Variants in PAN3 observed in about 807,000 individuals in gnomAD.
PAN3 encodes the protein PAN2-PAN3 deadenylation complex subunit PAN3.
In PAN3, 19 loss-of-function variants were observed where a neutral mutation model predicts 96.2. That is an observed-to-expected ratio of 0.20 (90% CI 0.14 to 0.29). The LOEUF (loss-of-function observed/expected upper bound fraction) is 0.29, where lower values mean the gene tolerates loss of function less well. Ranked by LOEUF, PAN3 falls within the 10% of genes least tolerant of loss-of-function variation. The pLI, the probability that PAN3 is intolerant of heterozygous loss-of-function variation, is 1.00. For missense variants in PAN3, 882 were observed against 1,108.1 expected (o/e 0.80, Z 2.90); for synonymous variants, 433 against 406.6 (o/e 1.06, Z -0.78).
intron 1 of PAN3, among the ~76,000 whole-genome samples, chr13:28,163,479 A>T (rs1304023152): frequency 1.3e-5 from 2 of 152,204 alleles, no homozygotes; most frequent in Non-Finnish European, 2.9e-5. Context: ...AGATTATTTC[A>T]TTTGATTCCA....
At chr13:28,257,432 CAG>C (rs1428629532) in intron 7 of PAN3, among the ~76,000 whole-genome samples, 8 of 151,512 alleles carry the variant, frequency 5.3e-5, no homozygotes, top group Non-Finnish European at 2.9e-5. Context: ...TCCACTAAAA[CAG>C]GGGTCCTCAA....
At chr13:28,144,006 A>G (rs1272480297) in intron 1 of PAN3, among the ~76,000 whole-genome samples, 3 of 151,952 alleles carry the variant, frequency 2.0e-5, no homozygotes, top group Admixed American at 1.3e-4. Context: ...TTTTTATTGG[A>G]ATAATATACT....
At chr13:28,245,288 A>C (rs1884068789) in intron 6 of PAN3, among the ~76,000 whole-genome samples, 1 of 152,022 alleles carries the variant, frequency 6.6e-6, no homozygotes, top group South Asian at 2.1e-4. Context: ...TATTTCTGTC[A>C]GTAGGTTTTT....
intron 1 of PAN3, among the ~76,000 whole-genome samples, chr13:28,142,763 T>C (rs921038492): frequency 2.6e-5 from 4 of 152,176 alleles, no homozygotes. Context: ...AATATAGAAG[T>C]ACAAATTTCT....
rs184111110 is a variant in PAN3, at chr13:28,234,459, G to A, written c.1000+14081G>A. Among the ~76,000 whole-genome samples the A allele has an allele frequency of 3.2e-3, 489 of 152,270 alleles. 3 individuals carry two copies. Among genetic ancestry groups the A allele is most frequent in the African/African-American group, 0.011 (461 of 41,560 alleles). Reference sequence around the variant, plus strand: ...AGATACTATTGGTGTGCATGTGAATGTATAATTTCTATATGCTGTAAAAAT... The same window carrying A: ...AGATACTATTGGTGTGCATGTGAATATATAATTTCTATATGCTGTAAAAAT... On this transcript the variant is annotated intron_variant, in intron 6 of 18. Transcript: ENST00000380958.
intron 6 of PAN3, among the ~76,000 whole-genome samples, chr13:28,225,713 A>G (rs1881925708): frequency 6.6e-6 from 1 of 152,192 alleles, no homozygotes; most frequent in Non-Finnish European, 1.5e-5. Context: ...TCTCTCTTCC[A>G]TCCACTTGTC....
chr13:28,151,256 C>G (rs1182242832), intron 1 of PAN3, among the ~76,000 whole-genome samples: 23 of 152,116 alleles, frequency 1.5e-4, no homozygotes, highest in Admixed American at 1.5e-3. Context: ...TGGCTCATGC[C>G]TGTAATCCCA....
rs1324551929 is a variant in PAN3 at position 28,266,859 on chromosome 13, G to T, written c.1556G>T (p.Cys519Phe). 2 of 1,601,060 alleles carry T rather than the reference G, an allele frequency of 1.2e-6. No individual in the cohort carries two copies. The highest frequency in any genetic ancestry group is 2.3e-5 in the South Asian group (2 of 88,354). ...AVNSKDDLPYCLRRIHGFRLV... is the reference protein window; with the variant it reads ...AVNSKDDLPYFLRRIHGFRLV... ...AACAGCAAAGATGATCTGCCATATT[G>T]CCTTCGGAGGATACATGGTAAGGAA... is the stretch of plus-strand genomic sequence containing the variant. Residue 519 changes from cysteine to phenylalanine, a missense_variant, in exon 10 of 19, where the codon TGC becomes TTC. Coordinates refer to ENST00000380958, the MANE Select transcript of PAN3 (RefSeq NM_175854.8).
At chr13:28,248,219 G>A (rs559260432) in intron 6 of PAN3, among the ~76,000 whole-genome samples, 32 of 152,118 alleles carry the variant, frequency 2.1e-4, no homozygotes, top group African/African-American at 7.2e-4. Context: ...TCTTCAGGTT[G>A]TTCACTGTTG....
intron 6 of PAN3, among the ~76,000 whole-genome samples, chr13:28,239,009 A>G (rs1459660762): frequency 6.6e-6 from 1 of 152,108 alleles, no homozygotes; most frequent in African/African-American, 2.4e-5. Flanking sequence ...AGAATATTTT[A>G]TTTAACAAGT....
rs113372117 is a variant in PAN3, at chr13:28,292,554, A to AT, written c.*32_*33insT. The AT allele has an allele frequency of 4.8e-4, 755 of 1,584,168 alleles. 8 individuals are homozygous for AT. In the South Asian group the frequency reaches 6.7e-3, roughly 14 times the overall value. On this transcript the variant is annotated 3_prime_UTR_variant, in exon 19 of 19. Transcript: ENST00000380958. ...CTAAAAAAGCACGCAGGACATGGCTAAAGACCTTAACCAATAGCAAATTGC... is the reference window on the plus strand; with the variant it reads ...CTAAAAAAGCACGCAGGACATGGCTATAAGACCTTAACCAATAGCAAATTGC...
chr13:28,184,396 A>G (rs186926439), intron 4 of PAN3, among the ~76,000 whole-genome samples: 1 of 152,308 alleles, frequency 6.6e-6, no homozygotes, highest in East Asian at 1.9e-4. Context: ...TTTGCATAGA[A>G]TAATATAAAT....
At chr13:28,202,622 G>A (rs1441110201) in intron 5 of PAN3, among the ~76,000 whole-genome samples, 2 of 151,668 alleles carry the variant, frequency 1.3e-5, no homozygotes, top group African/African-American at 2.4e-5. Context: ...GGGATTACTT[G>A]TATACACAGC....
chr13:28,237,081 T>C (rs1348196951), intron 6 of PAN3, among the ~76,000 whole-genome samples: 1 of 152,188 alleles, frequency 6.6e-6, no homozygotes, highest in Non-Finnish European at 1.5e-5. Context: ...TTTTCAAATA[T>C]TTATATCCAA....
intron 18 of PAN3, among the ~76,000 whole-genome samples, chr13:28,290,195 C>G (rs973624196): frequency 1.1e-4 from 16 of 152,202 alleles, no homozygotes; most frequent in Admixed American, 7.9e-4. Flanking sequence ...TTTACTGACT[C>G]TTGGTCTAAA....
intron 5 of PAN3, among the ~76,000 whole-genome samples, chr13:28,201,172 C>A (rs1878648765): frequency 6.6e-6 from 1 of 151,502 alleles, no homozygotes; most frequent in South Asian, 2.1e-4. Flanking sequence ...GTAGCTGGGA[C>A]TGCAGGCACA....
intron 4 of PAN3, among the ~76,000 whole-genome samples, chr13:28,193,810 T>C (rs1203524109): frequency 6.6e-6 from 1 of 151,726 alleles, no homozygotes; most frequent in Non-Finnish European, 1.5e-5. Context: ...CAATGTTGTT[T>C]ACTGTACTAC....
chr13:28,207,925 G>A (rs1879567257), intron 5 of PAN3, among the ~76,000 whole-genome samples: 1 of 152,140 alleles, frequency 6.6e-6, no homozygotes, highest in Non-Finnish European at 1.5e-5. Context: ...CTTCCTCACA[G>A]CGCCTAGTAC....
In PAN3 at chr13:28,139,147, G is replaced by A. The variant is rs957864227; in HGVS notation, c.430+60G>A. ...CGGAGGGCAGGCCTGGGCCGGATGA[G>A]GCCCTGCTGCCGACGGGAGCTGAGC... On this transcript the variant is annotated intron_variant, in intron 1 of 18. Transcript: ENST00000380958. The A allele has an allele frequency of 3.2e-6, 4 of 1,251,884 alleles. No homozygotes were observed. The East Asian group carries it at 1.3e-4, about 40-fold the overall frequency. The allele number at this position is 1,251,884 out of a possible 1,614,324, so 77.5% of individuals were successfully genotyped here. A position where few individuals can be genotyped will look rare whatever the true frequency, so the allele number is the denominator to read the frequency against.
Sources: gnomAD v4.1 joint callset for allele counts (sites outside exome capture counted in the v4.1 genomes callset) on GRCh38, gnomAD v4.1.1 for gene constraint, MANE v1.5 for transcripts, NCBI Gene and HGNC (gene_info 2026-07-23, HGNC 2026-07-21) for gene names.